DIPK2B: variants seen among roughly 807,000 people sequenced by gnomAD.
DIPK2B encodes the protein UPF0672 protein CXorf36.
In DIPK2B, 15 loss-of-function variants were observed where a neutral mutation model predicts 22.2. The observed-to-expected ratio is 0.68, with a 90% CI of 0.45 to 1.04. DIPK2B has a LOEUF of 1.04. Among genes scored for constraint, DIPK2B ranks in the 50% least tolerant of loss-of-function variants. The probability of loss-of-function intolerance (pLI) is 0.00; values close to 1 mark genes in which losing one functional copy is unlikely to be tolerated. For synonymous variants in DIPK2B, 163 were observed against 153.2 expected (o/e 1.06, Z -0.47); for missense variants, 345 against 348.3 (o/e 0.99, Z 0.08).
Position 45,153,928 on chromosome X carries a change from C to T in DIPK2B, c.943G>A (p.Val315Ile), listed in dbSNP as rs766864510. The T allele has an allele frequency of 2.8e-5, 34 of 1,207,172 alleles. No homozygotes were observed. The highest frequency in any genetic ancestry group is 1.5e-4 in the East Asian group (5 of 33,722). The change falls in exon 4 of 5, where the codon GTC becomes ATC. Residue 315 changes from valine (V) to isoleucine (I), a missense_variant. Coordinates refer to ENST00000398000, the MANE Select transcript of DIPK2B (RefSeq NM_176819.4). ...LFIRDASAVG[V>I]IDKQEGSQEA... ...TGAGTACCTTCCTGCTTGTCGATGA[C>T]GCCCACTGCACTGGCATCCCGGATG...
intron 2 of DIPK2B, among the ~76,000 whole-genome samples, chrX:45,178,003 C>T (rs1454599797): frequency 8.9e-6 from 1 of 112,090 alleles, no homozygotes; most frequent in East Asian, 2.8e-4. Context: ...CCAATCCCTA[C>T]CCTCAAGGAG....
intron 2 of DIPK2B, chrX:45,164,206 A>G (rs752560792): frequency 8.3e-7 from 1 of 1,203,295 alleles, no homozygotes. Context: ...GTGTTATCTC[A>G]GCATACACAG....
At chrX:45,196,040 A>G (rs1254212400) in intron 1 of DIPK2B, among the ~76,000 whole-genome samples, 1 of 112,566 alleles carries the variant, frequency 8.9e-6, no homozygotes, top group East Asian at 2.8e-4. Flanking sequence ...CCACTGATTT[A>G]CTTCTTTGTC....
chrX:45,173,334 G>A (rs754129373), intron 2 of DIPK2B, among the ~76,000 whole-genome samples: 1 of 110,437 alleles, frequency 9.1e-6, no homozygotes, highest in South Asian at 3.9e-4. Flanking sequence ...AGGCTGGATA[G>A]AGGAGCAGGC....
At chrX:45,187,468 GCA>G (rs34308256) in intron 2 of DIPK2B, among the ~76,000 whole-genome samples, 23,444 of 98,135 alleles carry the variant, frequency 0.24, 2,332 homozygotes, top group Middle Eastern at 0.27. Flanking sequence ...GCGCGCGCGC[GCA>G]CACACACACA....
intron 2 of DIPK2B, among the ~76,000 whole-genome samples, chrX:45,181,473 T>A (rs746989971): frequency 8.9e-6 from 1 of 112,283 alleles, no homozygotes; most frequent in South Asian, 3.7e-4. Context: ...ACACCTACAG[T>A]AATTAATACA....
At chrX:45,159,821 A>C (rs191619115) in intron 2 of DIPK2B, among the ~76,000 whole-genome samples, 1 of 112,436 alleles carries the variant, frequency 8.9e-6, no homozygotes, top group African/African-American at 3.2e-5. Flanking sequence ...TTACAACTGC[A>C]TTGATATGAA....
chrX:45,184,172 A>G (rs2047169041), intron 2 of DIPK2B, among the ~76,000 whole-genome samples: 1 of 111,552 alleles, frequency 9.0e-6, no homozygotes, highest in African/African-American at 3.3e-5. Flanking sequence ...GGAAGCCAGG[A>G]TTTAGGAGCT....
rs1388961763 is a variant in DIPK2B, at chrX:45,175,705, ATGTG to A, written c.498+16042_498+16045del. Among the ~76,000 whole-genome samples, 135 of 101,509 alleles carry A rather than the reference ATGTG, an allele frequency of 1.3e-3. 2 individuals carry two copies. Among genetic ancestry groups the A allele is most frequent in the Non-Finnish European group, 8.6e-4 (43 of 49,841 alleles). The allele number at this position is 101,509 out of a possible 115,157, so 88.1% of individuals were successfully genotyped here. On this transcript the variant is annotated intron_variant, in intron 2 of 4. Transcript: ENST00000398000. ...AAATGTATAAAGTATACATACATAT[ATGTG>A]TGTATATGTACATATATGTATGTAT...
At chrX:45,198,702 C>T (rs775866088) in intron 1 of DIPK2B, among the ~76,000 whole-genome samples, 10 of 111,595 alleles carry the variant, frequency 9.0e-5, no homozygotes, top group African/African-American at 2.6e-4. Flanking sequence ...TTCTCTCCCT[C>T]CTTTTAAAAA....
chrX:45,167,143 C>T lies in DIPK2B; in HGVS notation c.499-9255G>A, dbSNP rs569116382. Among the ~76,000 whole-genome samples, 6 of 112,263 alleles carry T rather than the reference C, an allele frequency of 5.3e-5. No individual in the cohort carries two copies. In the South Asian group the frequency reaches 2.2e-3, roughly 41 times the overall value. On this transcript the variant is annotated intron_variant, in intron 2 of 4. Transcript: ENST00000398000. ...AACCAAAAGTTACTGAACATTTCTC[C>T]AAGCTGTATTGTATTCAAAATAATG... is the stretch of plus-strand genomic sequence containing the variant.
chrX:45,200,077 G>A (rs1455082223), intron 1 of DIPK2B, among the ~76,000 whole-genome samples: 2 of 111,543 alleles, frequency 1.8e-5, no homozygotes, highest in African/African-American at 6.5e-5. Flanking sequence ...AAATTTTATT[G>A]TGTATATTTA....
chrX:45,192,277 T>G (rs752953720), intron 1 of DIPK2B, among the ~76,000 whole-genome samples: 1 of 111,958 alleles, frequency 8.9e-6, no homozygotes, highest in South Asian at 3.7e-4. Flanking sequence ...AGACTAGCCA[T>G]AGCTCTCTGA....
At chrX:45,180,609 T>C (rs972208178) in intron 2 of DIPK2B, among the ~76,000 whole-genome samples, 1 of 111,821 alleles carries the variant, frequency 8.9e-6, no homozygotes, top group African/African-American at 3.2e-5. Flanking sequence ...AAAAAATCTA[T>C]AGCAAGCTAT....
chrX:45,195,240 C>T (rs180959996), intron 1 of DIPK2B, among the ~76,000 whole-genome samples: 1 of 111,986 alleles, frequency 8.9e-6, no homozygotes, highest in Non-Finnish European at 1.9e-5. Context: ...ACAGAGACAG[C>T]ATTCTCATCT....
chrX:45,159,666 A>C (rs541969717), intron 2 of DIPK2B, among the ~76,000 whole-genome samples: 10 of 111,411 alleles, frequency 9.0e-5, no homozygotes, highest in African/African-American at 2.6e-4. Flanking sequence ...GGTGCCCAGC[A>C]GTTAAGATGT....
chrX:45,153,751 T>C (rs982665663), intron 4 of DIPK2B, among the ~76,000 whole-genome samples, 159 bp downstream of exon 4: 2 of 109,983 alleles, frequency 1.8e-5, no homozygotes, highest in African/African-American at 6.6e-5. Flanking sequence ...GTGAGGGACA[T>C]TTTACATGAA....
chrX:45,172,661 T>C (rs1026864478), intron 2 of DIPK2B, among the ~76,000 whole-genome samples: 2 of 111,829 alleles, frequency 1.8e-5, no homozygotes, highest in African/African-American at 6.5e-5. Flanking sequence ...GCAGATGAAA[T>C]AATCATTCTG....
chrX:45,200,753 G>C lies in DIPK2B; in HGVS notation c.74C>G (p.Ala25Gly), dbSNP rs61740579. 1.0e-3 allele frequency: 1,245 copies of C among 1,210,055 alleles called. 10 individuals carry two copies. The African/African-American group carries it at 0.019, about 18-fold the overall frequency. ...TGGCAAGGAGAAAGAACAGCTCAGGGCTGAGACCCACAGCAGCAGGGCCAG... is the reference window on the plus strand; with the variant it reads ...TGGCAAGGAGAAAGAACAGCTCAGGCCTGAGACCCACAGCAGCAGGGCCAG... Reference protein sequence around the residue: ...GWLALLLWVSALSCSFSLPAS... With the variant: ...GWLALLLWVSGLSCSFSLPAS... The change falls in exon 1 of 5, where the codon GCC becomes GGC. Residue 25 changes from alanine (A) to glycine (G), a missense_variant. Coordinates refer to ENST00000398000, the MANE Select transcript of DIPK2B (RefSeq NM_176819.4).
Sources: gnomAD v4.1 joint callset for allele counts (sites outside exome capture counted in the v4.1 genomes callset) on GRCh38, gnomAD v4.1.1 for gene constraint, MANE v1.5 for transcripts, NCBI Gene and HGNC (gene_info 2026-07-23, HGNC 2026-07-21) for gene names.